DCPS: variants seen among roughly 807,000 people sequenced by gnomAD.
DCPS encodes the protein m7GpppX diphosphatase.
In DCPS, 27 loss-of-function variants were observed where a neutral mutation model predicts 34.7. The observed-to-expected ratio is 0.78, with a 90% confidence interval of 0.57 to 1.07. DCPS has a LOEUF of 1.07. Among genes scored for constraint, DCPS ranks in the 50% least tolerant of loss-of-function variants. The pLI, the probability that DCPS is intolerant of heterozygous loss-of-function variation, is 0.00. For missense variants in DCPS, 464 were observed against 436.9 expected, an observed-to-expected ratio of 1.06 and a Z score of -0.55; for synonymous variants, 185 against 185.7, an observed-to-expected ratio of 1.00 and a Z score of 0.03.
rs1951949741 is a variant in DCPS at position 126,347,736 on chromosome 11, G to A, written c.*2123G>A. Among the ~76,000 whole-genome samples the A allele has an allele frequency of 6.6e-6, 1 of 152,230 alleles. No individual in the cohort carries two copies. Among genetic ancestry groups the A allele is most frequent in the Non-Finnish European group, 1.5e-5 (1 of 68,040 alleles). On this transcript the variant is annotated 3_prime_UTR_variant, in exon 6 of 6. Coordinates refer to ENST00000263579, the MANE Select transcript of DCPS (RefSeq NM_014026.6). The surrounding 1 kb of genome is among the most constrained non-coding windows in gnomAD (Gnocchi z 4.2). The stretch of plus-strand genomic sequence containing the variant: ...CTGGGGTCTTGGCAGGAGGTTGGAT[G>A]GAGGTCTTCTCCCAGAGCAGTGTCC...
Position 126,313,530 on chromosome 11 carries a change from T to A in DCPS, c.376+6786T>A, listed in dbSNP as rs1200037697. On this transcript the variant is annotated intron_variant, in intron 2 of 5. Transcript: ENST00000263579. The surrounding 1 kb of genome is among the most constrained non-coding windows in gnomAD (Gnocchi z 4.9). ...AATGAACTACAGCTGCCTGTATCAA[T>A]GAAGGATAAATCTCACCATGTAGGG... 6.6e-6 allele frequency among the ~76,000 whole-genome samples: 1 copy of A among 152,102 alleles called. No homozygotes were observed. The highest frequency in any genetic ancestry group is 1.5e-5 in the Non-Finnish European group (1 of 68,028).
chr11:126,311,239 C>T (rs953105598), intron 2 of DCPS, among the ~76,000 whole-genome samples: 6 of 152,258 alleles, frequency 3.9e-5, no homozygotes, highest in Non-Finnish European at 7.3e-5. Flanking sequence ...CATGCTGTTT[C>T]TGAGTTTTAG....
intron 2 of DCPS, among the ~76,000 whole-genome samples, chr11:126,321,234 G>A (rs376066944): frequency 6.2e-5 from 9 of 144,254 alleles, no homozygotes; most frequent in African/African-American, 2.3e-4. Context: ...CATCCTGGGT[G>A]ATAGTGGGAC....
intron 2 of DCPS, among the ~76,000 whole-genome samples, chr11:126,308,738 C>T (rs531321290): frequency 0.012 from 1,834 of 151,546 alleles, 19 homozygotes; most frequent in Middle Eastern, 0.02. Flanking sequence ...ACCCTCCCCA[C>T]CCTTGGCCAA....
In DCPS at chr11:126,349,959, T is replaced by G. The variant is rs971488211; in HGVS notation, c.*4346T>G. Among the ~76,000 whole-genome samples the G allele has an allele frequency of 2.0e-5, 3 of 152,248 alleles. No homozygotes were observed. The highest frequency in any genetic ancestry group is 2.0e-4 in the Admixed American group (3 of 15,290). On this transcript the variant is annotated 3_prime_UTR_variant, in exon 6 of 6. Transcript: ENST00000263579. This position sits in a 1 kb window ranked among gnomAD's most constrained non-coding sequence, Gnocchi z 5.4. Reference sequence around the variant, plus strand: ...AGGAATGAAATCTGTTTCAAGCGTTTCAATTTCAATACAATTTAATAAACA... The same window carrying G: ...AGGAATGAAATCTGTTTCAAGCGTTGCAATTTCAATACAATTTAATAAACA...
In DCPS at chr11:126,322,779, A is replaced by G. The variant is rs915197231; in HGVS notation, c.377-8626A>G. On this transcript the variant is annotated intron_variant, in intron 2 of 5. Transcript: ENST00000263579. This position sits in a 1 kb window ranked among gnomAD's most constrained non-coding sequence, Gnocchi z 4.2. ...AGCTAATTTTTTTTATTTTTAGTAG[A>G]GACGGGGTTTCACCATGTTGGCCAG... Among the ~76,000 whole-genome samples, 15 of 152,056 alleles carry G rather than the reference A, an allele frequency of 9.9e-5. No homozygotes were observed. The highest frequency in any genetic ancestry group is 4.4e-5 in the Non-Finnish European group (3 of 68,020).
At chr11:126,341,563 C>G (rs939344648) in intron 4 of DCPS, 1 of 152,358 alleles carries the variant, frequency 6.6e-6, no homozygotes, top group East Asian at 1.9e-4. Context: ...TGCGAGTTAG[C>G]GTCGTGTTTG....
rs1287683172 is a variant in DCPS, at chr11:126,346,720, T to A, written c.*1107T>A. ...TCCTAAGTGACAGCAGGGGGGAAGC[T>A]TGAGGCACAGTGGGTGGTCCTTACT... On this transcript the variant is annotated 3_prime_UTR_variant, in exon 6 of 6. Transcript: ENST00000263579. The surrounding 1 kb of genome is among the most constrained non-coding windows in gnomAD (Gnocchi z 4.1). Among the ~76,000 whole-genome samples the A allele has an allele frequency of 6.6e-6, 1 of 152,134 alleles. No individual in the cohort carries two copies. The highest frequency in any genetic ancestry group is 1.5e-5 in the Non-Finnish European group (1 of 68,018).
rs1188696294 is a variant in DCPS at position 126,312,755 on chromosome 11, T to C, written c.376+6011T>C. ...AGAGCACGTGGCACAGTAGCTGTCA[T>C]ATGGTCTGTATCCAATAAGTGTAAT... On this transcript the variant is annotated intron_variant, in intron 2 of 5. Transcript: ENST00000263579. The surrounding 1 kb of genome is among the most constrained non-coding windows in gnomAD (Gnocchi z 5.1). Among the ~76,000 whole-genome samples, 1 of 152,230 alleles carries C rather than the reference T, an allele frequency of 6.6e-6. No homozygotes were observed. The highest frequency in any genetic ancestry group is 2.4e-5 in the African/African-American group (1 of 41,454).
intron 2 of DCPS, among the ~76,000 whole-genome samples, chr11:126,330,026 G>A (rs1308816079): frequency 6.6e-6 from 1 of 152,168 alleles, no homozygotes; most frequent in Non-Finnish European, 1.5e-5. Flanking sequence ...ACATGTTAGA[G>A]TAATGATGAC....
chr11:126,339,099 G>C (rs1347678106), intron 4 of DCPS, among the ~76,000 whole-genome samples: 1 of 152,160 alleles, frequency 6.6e-6, no homozygotes, highest in African/African-American at 2.4e-5. Context: ...ACCCTGACAG[G>C]GTCAGAAACA....
At position 126,346,835 on chromosome 11, in the gene DCPS, A is replaced by G. The variant is rs1012523999; in HGVS notation, c.*1222A>G. On this transcript the variant is annotated 3_prime_UTR_variant, in exon 6 of 6. Coordinates refer to ENST00000263579, the MANE Select transcript of DCPS (RefSeq NM_014026.6). The surrounding 1 kb of genome is among the most constrained non-coding windows in gnomAD (Gnocchi z 4.1). ...AGCCCAGGTGCAGCCAACCTGCTTCAGGGTCTCAGGGCCTGCTGTGGACCC... is the reference window on the plus strand; with the variant it reads ...AGCCCAGGTGCAGCCAACCTGCTTCGGGGTCTCAGGGCCTGCTGTGGACCC... Among the ~76,000 whole-genome samples, 25 of 152,310 alleles carry G rather than the reference A, an allele frequency of 1.6e-4. No homozygotes were observed. The highest frequency in any genetic ancestry group is 5.8e-4 in the African/African-American group (24 of 41,564).
rs377602692 is a variant in DCPS at position 126,345,362 on chromosome 11, C to T, written c.763C>T (p.Arg255Cys). 34 of 1,613,884 alleles carry T rather than the reference C, an allele frequency of 2.1e-5. No individual in the cohort carries two copies. The East Asian group carries it at 2.7e-4, about 13-fold the overall frequency. The change falls in exon 6 of 6, where the codon CGC (arginine) becomes TGC (cysteine). Residue 255 changes from arginine (R) to cysteine (C), a missense_variant. Transcript: ENST00000263579. This position sits in a 1 kb window ranked among gnomAD's most constrained non-coding sequence, Gnocchi z 7.4. ...GTCTCATCAGGAGGCCATCCTGCAG[C>T]GCTACCGGATGAAGGGAGACCATCT... ...LHQGQEAILQ[R>C]YRMKGDHLRV...
At chr11:126,306,458 G>A in intron 1 of DCPS, 112 bp from the exon 2 acceptor site, 1 of 1,208,014 alleles carries the variant, frequency 8.3e-7, no homozygotes, top group South Asian at 1.8e-5. Flanking sequence ...AGACTTCAGG[G>A]AAGGAAATCC....
intron 2 of DCPS, among the ~76,000 whole-genome samples, chr11:126,316,642 G>A (rs1288598872): frequency 1.1e-5 from 1 of 94,428 alleles, no homozygotes; most frequent in African/African-American, 5.7e-5. Flanking sequence ...ATTAGCTGAA[G>A]TACATTTTTT....
rs1175904275 is a variant in DCPS, at chr11:126,322,159, C to T, written c.377-9246C>T. ...AAGATAAAACCACTTTGAGATCCAA[C>T]CACACCATCAGGGCATTGGAGACAG... is the stretch of plus-strand genomic sequence containing the variant. On this transcript the variant is annotated intron_variant, in intron 2 of 5. Transcript: ENST00000263579. This position sits in a 1 kb window ranked among gnomAD's most constrained non-coding sequence, Gnocchi z 4.2. Among the ~76,000 whole-genome samples, 1 of 152,178 alleles carries T rather than the reference C, an allele frequency of 6.6e-6. No individual in the cohort carries two copies. The highest frequency in any genetic ancestry group is 2.4e-5 in the African/African-American group (1 of 41,440).
rs566259908 is a variant in DCPS at position 126,318,291 on chromosome 11, G to A, written c.376+11547G>A. Among the ~76,000 whole-genome samples the A allele has an allele frequency of 2.3e-3, 356 of 152,326 alleles. 1 individual carries two copies. The highest frequency in any genetic ancestry group is 3.7e-3 in the Non-Finnish European group (250 of 68,028). ...CCCTTCAGCCGTGTTTATCCTTGAT[G>A]TGGAGGTCTCTTCGGGCTTCACTTG... On this transcript the variant is annotated intron_variant, in intron 2 of 5. Transcript: ENST00000263579.
rs1041593110 is a variant in DCPS, at chr11:126,327,293, T to G, written c.377-4112T>G. On this transcript the variant is annotated intron_variant, in intron 2 of 5. Transcript: ENST00000263579. This position sits in a 1 kb window ranked among gnomAD's most constrained non-coding sequence, Gnocchi z 4.1. ...ACTAGTTTTGTTGAATGCCCCTGGA[T>G]TTTGGTTTGCTGATATTTCCTCATG... is the stretch of plus-strand genomic sequence containing the variant. 2.6e-5 allele frequency among the ~76,000 whole-genome samples: 4 copies of G among 152,196 alleles called. No individual in the cohort carries two copies. The highest frequency in any genetic ancestry group is 6.5e-5 in the Admixed American group (1 of 15,286).
In DCPS at chr11:126,339,795, G is replaced by A. The variant is rs183577438; in HGVS notation, c.636+1396G>A. Among the ~76,000 whole-genome samples the A allele has an allele frequency of 3.1e-3, 473 of 152,280 alleles. 6 individuals carry two copies. Among genetic ancestry groups the A allele is most frequent in the African/African-American group, 0.011 (457 of 41,560 alleles). On this transcript the variant is annotated intron_variant, in intron 4 of 5. Coordinates refer to ENST00000263579, the MANE Select transcript of DCPS (RefSeq NM_014026.6). ...GGCATTTGAAGAGGTAGGACCTGATGGTCCCTTGTCTCAAACTGAGTGGTG... is the reference window on the plus strand; with the variant it reads ...GGCATTTGAAGAGGTAGGACCTGATAGTCCCTTGTCTCAAACTGAGTGGTG...
Sources: allele counts gnomAD v4.1 joint callset (sites outside exome capture counted in the v4.1 genomes callset), GRCh38; gene constraint gnomAD v4.1.1; non-coding constraint Gnocchi (gnomAD v3.1); transcripts MANE v1.5; gene names NCBI Gene and HGNC (gene_info 2026-07-23, HGNC 2026-07-21).